Variants in AKAP17A observed in about 807,000 individuals in gnomAD.
The protein encoded by AKAP17A is A-kinase anchoring protein 17A.
AKAP17A carries 15 observed loss-of-function variants against 52.2 expected under a neutral mutation model. The observed-to-expected ratio is 0.29, with a 90% CI of 0.19 to 0.44. AKAP17A has a LOEUF of 0.44. AKAP17A is among the 20% of genes least tolerant of loss of function. The pLI is 1.00. For missense variants in AKAP17A, 1,060 were observed against 1,007.0 expected (o/e 1.05, Z -0.71); for synonymous variants, 514 against 424.7 (o/e 1.21, Z -2.58).
At chrX:1,597,447 G>A (rs868488058) in intron 3 of AKAP17A, among the ~76,000 whole-genome samples, 1 of 152,176 alleles carries the variant, frequency 6.6e-6, no homozygotes, top group Non-Finnish European at 1.5e-5. Flanking sequence ...CATCCTGGGA[G>A]GCGGTCCCTG....
At chrX:1,595,728 C>T (rs762366869) in intron 3 of AKAP17A, among the ~76,000 whole-genome samples, 196 bp downstream of exon 3, 4 of 151,846 alleles carry the variant, frequency 2.6e-5, no homozygotes, top group East Asian at 3.9e-4. Flanking sequence ...TCCCTATGTG[C>T]GCCCGAGTGT....
In AKAP17A at chrX:1,593,744, C is replaced by G; in HGVS notation, c.282C>G (p.Ala94=). ...ENKSLVKSFL[A]CLDGKTIKLS... ...AGAGCCTGGTCAAGTCTTTTCTGGC[C>G]TGCCTGGACGGCAAGACCATCAAGC... The change falls in exon 2 of 5, where the codon GCC becomes GCG. Residue 94 remains alanine, a synonymous_variant. Transcript: ENST00000313871. 1 of 1,613,972 alleles carries G rather than the reference C, an allele frequency of 6.2e-7. No individual in the cohort carries two copies. The highest frequency in any genetic ancestry group is 8.5e-7 in the Non-Finnish European group (1 of 1,179,868).
chrX:1,596,194 T>C lies in AKAP17A; in HGVS notation c.911+662T>C, dbSNP rs775066995. Among the ~76,000 whole-genome samples, 75 of 133,340 alleles carry C rather than the reference T, an allele frequency of 5.6e-4. 1 individual carries two copies. Among genetic ancestry groups the C allele is most frequent in the African/African-American group, 1.9e-3 (68 of 34,892 alleles). The allele number at this position is 133,340 out of a possible 152,430, so 87.5% of individuals were successfully genotyped here. A position where few individuals can be genotyped will look rare whatever the true frequency, so the allele number is the denominator to read the frequency against. ...TTAGGTTGAGGCTACATTTACAAAA[T>C]GAAGTAGAGGGTTGATGGTGATGGC... On this transcript the variant is annotated intron_variant, in intron 3 of 4. Transcript: ENST00000313871.
At position 1,593,469 on chromosome X, in the gene AKAP17A, G is replaced by A. The variant is rs1383496852; in HGVS notation, c.7G>A (p.Ala3Thr). ...GCCCAAGGTCCCGGAGGCTATGGCA[G>A]CGGCTACCATCGTGCACGACACGTC... MA[A>T]ATIVHDTSEA... The change falls in exon 2 of 5, where the codon GCG becomes ACG. Residue 3 changes from alanine to threonine, a missense_variant. By Grantham distance (58) the Ala-to-Thr change is moderately conservative. Around this residue, in one of 2 missense-constraint regions of AKAP17A, gnomAD observed 267 missense variants for 377.1 expected, o/e 0.71. Transcript: ENST00000313871. The A allele has an allele frequency of 1.2e-6, 2 of 1,611,882 alleles. No homozygotes were observed. The highest frequency in any genetic ancestry group is 1.7e-6 in the Non-Finnish European group (2 of 1,178,518).
chrX:1,598,902 G>C (rs1486222772), intron 3 of AKAP17A, among the ~76,000 whole-genome samples: 1 of 152,164 alleles, frequency 6.6e-6, no homozygotes, highest in African/African-American at 2.4e-5. Flanking sequence ...CCCCTGACTG[G>C]GGGCGTGGCT....
chrX:1,595,322 C>G, intron 2 of AKAP17A, 62 bp from the exon 3 acceptor site: 1 of 1,605,868 alleles, frequency 6.2e-7, no homozygotes, highest in Non-Finnish European at 8.5e-7. Context: ...GGAGAGGGCG[C>G]CTGGCCGTGT....
rs184322445 is a variant in AKAP17A, at chrX:1,601,529, C to T, written c.2023C>T (p.Arg675Cys). ...GSASRKHSRHRRRSERSRSRS... is the reference protein window; with the variant it reads ...GSASRKHSRHCRRSERSRSRS... The stretch of plus-strand genomic sequence containing the variant: ...CGCCAGCAGGAAGCACAGCCGCCAC[C>T]GCCGCCGAAGCGAGCGGTCGCGCTC... The change falls in exon 5 of 5, where the codon CGC becomes TGC. Residue 675 changes from arginine to cysteine, a missense_variant. Arg to Cys is a radical substitution (Grantham distance 180). Around this residue, in one of 2 missense-constraint regions of AKAP17A, gnomAD observed 793 missense variants for 629.9 expected, o/e 1.26. Transcript: ENST00000313871. 11,823 of 1,492,420 alleles carry T rather than the reference C, an allele frequency of 7.9e-3. 71 individuals carry two copies. The highest frequency in any genetic ancestry group is 0.025 in the Middle Eastern group (101 of 4,038). 92.4% of individuals were successfully genotyped at this position (1,492,420 alleles called of 1,614,324 possible).
chrX:1,593,252 C>T (rs1482559749), intron 1 of AKAP17A, among the ~76,000 whole-genome samples, 192 bp from the exon 2 acceptor site: 15 of 152,186 alleles, frequency 9.9e-5, no homozygotes, highest in African/African-American at 3.1e-4. Flanking sequence ...TTGGTGTACT[C>T]TTAATGATTT....
At chrX:1,596,373 C>G (rs1237962430) in intron 3 of AKAP17A, among the ~76,000 whole-genome samples, 3 of 152,024 alleles carry the variant, frequency 2.0e-5, no homozygotes, top group Admixed American at 6.6e-5. Context: ...CTTTTATCTT[C>G]TTAGCATTGC....
Position 1,593,788 on chromosome X carries a change from T to A in AKAP17A, c.326T>A (p.Ile109Asn). ...ATCAAGCTCAGCGGCTTCTCCGACA[T>A]CCTGAAGGTGCGCGCGGCCGAGTTC... The part of the protein sequence containing the change: ...KTIKLSGFSD[I>N]LKVRAAEFKI... Residue 109 changes from isoleucine (I) to asparagine (N), a missense_variant, in exon 2 of 5, where the codon ATC becomes AAC. Ile to Asn is a moderately radical substitution (Grantham distance 149). This residue lies in a region of AKAP17A where 267 missense variants were observed against 377.1 expected (regional missense o/e 0.71). Transcript: ENST00000313871. 6.2e-7 allele frequency: 1 copy of A among 1,613,598 alleles called. No individual in the cohort carries two copies. Among genetic ancestry groups the A allele is most frequent in the Non-Finnish European group, 8.5e-7 (1 of 1,179,840 alleles).
Position 1,595,368 on chromosome X carries a change from G to A in AKAP17A, c.763-16G>A. On this transcript the variant is annotated splice_polypyrimidine_tract_variant and intron_variant, in intron 2 of 4. Coordinates refer to ENST00000313871, the MANE Select transcript of AKAP17A (RefSeq NM_005088.3). Reference sequence around the variant, plus strand: ...TTTTGGGGGAAGGCCATCTGACACTGTTTTTGCTTTTAAAGGTTTCTTTTG... The same window carrying A: ...TTTTGGGGGAAGGCCATCTGACACTATTTTTGCTTTTAAAGGTTTCTTTTG... The A allele has an allele frequency of 1.2e-6, 2 of 1,613,470 alleles. No individual in the cohort carries two copies. Among genetic ancestry groups the A allele is most frequent in the Non-Finnish European group, 1.7e-6 (2 of 1,179,806 alleles).
Position 1,599,333 on chromosome X carries a change from G to T in AKAP17A, c.1053G>T (p.Gln351His), listed in dbSNP as rs746548407. 1 of 1,603,910 alleles carries T rather than the reference G, an allele frequency of 6.2e-7. No homozygotes were observed. The highest frequency in any genetic ancestry group is 8.5e-7 in the Non-Finnish European group (1 of 1,176,012). Residue 351 changes from glutamine to histidine, a missense_variant, in exon 4 of 5, where the codon CAG (glutamine) becomes CAT (histidine). By Grantham distance (24) the Gln-to-His change is conservative. Coordinates refer to ENST00000313871, the MANE Select transcript of AKAP17A (RefSeq NM_005088.3). The part of the protein sequence containing the change: ...LEKLQAEEQK[Q>H]LQEKIKLEER... ...AGCTGCAGGCGGAGGAGCAGAAGCA[G>T]CTGCAGGAGAAGATCAAGCTGGAGG...
In AKAP17A at chrX:1,594,234, G is replaced by T; in HGVS notation, c.762+10G>T. 1 of 1,512,274 alleles carries T rather than the reference G, an allele frequency of 6.6e-7. No individual in the cohort carries two copies. 93.7% of individuals were successfully genotyped at this position (1,512,274 alleles called of 1,614,324 possible). ...GGCCTGCAACATCAAGGTGAGTCCT[G>T]GGCACCGAGAGAGCCACGCGCTTCC... is the stretch of plus-strand genomic sequence containing the variant. On this transcript the variant is annotated intron_variant, in intron 2 of 4. Coordinates refer to ENST00000313871, the MANE Select transcript of AKAP17A (RefSeq NM_005088.3).
In AKAP17A at chrX:1,601,714, G is replaced by C; in HGVS notation, c.*120G>C. ...AAAGCCAAGACCCTTCTGCAGCCAC[G>C]AATGTCCACGGAGCCCGCCGGCAGG... On this transcript the variant is annotated 3_prime_UTR_variant, in exon 5 of 5. Coordinates refer to ENST00000313871, the MANE Select transcript of AKAP17A (RefSeq NM_005088.3). 8.4e-6 allele frequency: 8 copies of C among 953,532 alleles called. No homozygotes were observed. Among genetic ancestry groups the C allele is most frequent in the Non-Finnish European group, 9.8e-6 (7 of 711,808 alleles). 59.1% of individuals were successfully genotyped at this position (953,532 alleles called of 1,614,324 possible). A position where few individuals can be genotyped will look rare whatever the true frequency, so the allele number is the denominator to read the frequency against.
chrX:1,602,215 C>G lies in AKAP17A; in HGVS notation c.*621C>G, dbSNP rs1933428258. On this transcript the variant is annotated 3_prime_UTR_variant, in exon 5 of 5. Transcript: ENST00000313871. ...GGGAGTGGTACAAAATGGTCTGATG[C>G]TCCTTCAAAAACATTCACTTTTTAC... The G allele has an allele frequency of 6.6e-6, 1 of 152,234 alleles. No homozygotes were observed. The highest frequency in any genetic ancestry group is 2.4e-5 in the African/African-American group (1 of 41,412). The allele number at this position is 152,234 out of a possible 1,614,324, so 9.4% of individuals were successfully genotyped here.
intron 4 of AKAP17A, 197 bp downstream of exon 4, chrX:1,599,629 G>C (rs1275557691): frequency 1.2e-6 from 1 of 830,168 alleles, no homozygotes; most frequent in Admixed American, 2.3e-5. Context: ...TGATTTCAGA[G>C]CTGTGACGGT....
chrX:1,601,520 A>G lies in AKAP17A; in HGVS notation c.2014A>G (p.Ser672Gly). The G allele has an allele frequency of 6.7e-7, 1 of 1,501,380 alleles. No individual in the cohort carries two copies. Among genetic ancestry groups the G allele is most frequent in the Non-Finnish European group, 8.8e-7 (1 of 1,135,692 alleles). 93.0% of individuals were successfully genotyped at this position (1,501,380 alleles called of 1,614,324 possible). The stretch of plus-strand genomic sequence containing the variant: ...GAGGGGCAGCGCCAGCAGGAAGCAC[A>G]GCCGCCACCGCCGCCGAAGCGAGCG... ...ERRGSASRKH[S>G]RHRRRSERSR... Residue 672 changes from serine (S) to glycine (G), a missense_variant, in exon 5 of 5, where the codon AGC becomes GGC. Ser to Gly is a moderately conservative substitution (Grantham distance 56, BLOSUM62 0). Around this residue, in one of 2 missense-constraint regions of AKAP17A, gnomAD observed 793 missense variants for 629.9 expected, o/e 1.26. Transcript: ENST00000313871.
chrX:1,602,261 A>G lies in AKAP17A; in HGVS notation c.*667A>G, dbSNP rs1316994916. 1.3e-5 allele frequency: 2 copies of G among 152,208 alleles called. No individual in the cohort carries two copies. The highest frequency in any genetic ancestry group is 4.8e-5 in the African/African-American group (2 of 41,450). The allele number at this position is 152,208 out of a possible 1,614,324, so 9.4% of individuals were successfully genotyped here. On this transcript the variant is annotated 3_prime_UTR_variant, in exon 5 of 5. Transcript: ENST00000313871. The stretch of plus-strand genomic sequence containing the variant: ...TTTACAACGTCAAGGAATTAAGCAT[A>G]AAAAAGATTGGTTAAAAGCTTTGGT...
chrX:1,601,668 C>T lies in AKAP17A; in HGVS notation c.*74C>T. 1.5e-6 allele frequency: 2 copies of T among 1,319,722 alleles called. No individual in the cohort carries two copies. Among genetic ancestry groups the T allele is most frequent in the Non-Finnish European group, 1.9e-6 (2 of 1,026,126 alleles). 81.8% of individuals were successfully genotyped at this position (1,319,722 alleles called of 1,614,324 possible). On this transcript the variant is annotated 3_prime_UTR_variant, in exon 5 of 5. Coordinates refer to ENST00000313871, the MANE Select transcript of AKAP17A (RefSeq NM_005088.3). The stretch of plus-strand genomic sequence containing the variant: ...CTCGAGCCTCCTGGCCGCTCCTTGG[C>T]CGCTCTCCGTCCACCCCTGCAAAGC...
Sources: gnomAD v4.1 joint callset for allele counts (sites outside exome capture counted in the v4.1 genomes callset) on GRCh38, gnomAD v4.1.1 for gene constraint, gnomAD v4.1.1 regional missense constraint, MANE v1.5 for transcripts, NCBI Gene and HGNC (gene_info 2026-07-23, HGNC 2026-07-21) for gene names.